The following CTTNBP2 variants were observed in gnomAD, a reference collection of about 807,000 sequenced individuals.
The protein encoded by CTTNBP2 is cortactin binding protein 2.
A neutral mutation model predicts 156.9 loss-of-function variants in CTTNBP2; 108 were observed. The observed-to-expected ratio is 0.69, with a 90% CI of 0.59 to 0.81. The LOEUF is 0.81. CTTNBP2 is among the 30% of genes least tolerant of loss of function. CTTNBP2 has a pLI of 0.00. For synonymous variants in CTTNBP2, 767 were observed against 751.8 expected (o/e 1.02, Z -0.33); for missense variants, 1,924 against 2,035.4 (o/e 0.95, Z 1.05).
At chr7:117,863,635 A>G (rs953231627) in intron 1 of CTTNBP2, among the ~76,000 whole-genome samples, 2 of 152,332 alleles carry the variant, frequency 1.3e-5, no homozygotes, top group African/African-American at 4.8e-5. Flanking sequence ...TCTGTAACTC[A>G]TGCCATCCTC....
At chr7:117,846,143 GC>G (rs1563063142) in intron 2 of CTTNBP2, among the ~76,000 whole-genome samples, 1 of 152,022 alleles carries the variant, frequency 6.6e-6, no homozygotes, top group Non-Finnish European at 1.5e-5. Flanking sequence ...GAGCCACCGC[GC>G]CCGGTCCTGT....
rs1287755396 is a variant in CTTNBP2 at position 117,804,143 on chromosome 7, AGT to A, written c.414+6620_414+6621del. On this transcript the variant is annotated intron_variant, in intron 3 of 22. Transcript: ENST00000160373. ...ATACCTGGCTAATTTTTGTATTTTTAGTAGAGACGGAGTTTCACCACGTTGGC... is the reference window on the plus strand; with the variant it reads ...ATACCTGGCTAATTTTTGTATTTTTAAGAGACGGAGTTTCACCACGTTGGC... Among the ~76,000 whole-genome samples, 46 of 152,054 alleles carry A rather than the reference AGT, an allele frequency of 3.0e-4. 1 individual carries two copies. Among genetic ancestry groups the A allele is most frequent in the Admixed American group, 2.0e-4 (3 of 15,266 alleles).
chr7:117,796,112 C>A (rs1184892219), intron 3 of CTTNBP2, among the ~76,000 whole-genome samples: 1 of 152,168 alleles, frequency 6.6e-6, no homozygotes, highest in Non-Finnish European at 1.5e-5. Flanking sequence ...TTTTTCATAG[C>A]AACACCAATC....
rs1798172309 is a variant in CTTNBP2, at chr7:117,777,551, C to T, written c.2738G>A (p.Gly913Asp). Residue 913 changes from glycine to aspartate, a missense_variant, in exon 8 of 23, where the codon GGC becomes GAC. Coordinates refer to ENST00000160373, the MANE Select transcript of CTTNBP2 (RefSeq NM_033427.3). ...ADLINHANREGWTAAHIAASK... is the reference protein window; with the variant it reads ...ADLINHANREDWTAAHIAASK... Reference sequence around the variant, plus strand: ...AGCAGCAATGTGGGCAGCAGTCCAGCCTTCTCTGTTGGCGTGGTTAATGAG... The same window carrying T: ...AGCAGCAATGTGGGCAGCAGTCCAGTCTTCTCTGTTGGCGTGGTTAATGAG... The T allele has an allele frequency of 6.2e-7, 1 of 1,613,694 alleles. No individual in the cohort carries two copies. The highest frequency in any genetic ancestry group is 8.5e-7 in the Non-Finnish European group (1 of 1,179,896).
rs1230654994 is a variant in CTTNBP2, at chr7:117,873,342, T to TCCGCCGCGGCCC, written c.62_73dup (p.Gly21_Ala24dup). On this transcript the variant is annotated inframe_insertion, in exon 1 of 23. Transcript: ENST00000160373. Reference sequence around the variant, plus strand: ...CCCCGGGAACTCGGTTACCGCCGCCTCCGCCGCGGCCCCCGCCGCGTCCTC... The same window carrying TCCGCCGCGGCCC: ...CCCCGGGAACTCGGTTACCGCCGCCTCCGCCGCGGCCCCCGCCGCGGCCCCCGCCGCGTCCTC... The TCCGCCGCGGCCC allele has an allele frequency of 1.2e-5, 17 of 1,446,846 alleles. No homozygotes were observed. The highest frequency in any genetic ancestry group is 3.1e-5 in the East Asian group (1 of 32,764). 89.6% of individuals were successfully genotyped at this position (1,446,846 alleles called of 1,614,324 possible).
intron 10 of CTTNBP2, among the ~76,000 whole-genome samples, chr7:117,759,738 A>C (rs1361005917): frequency 6.6e-6 from 1 of 152,218 alleles, no homozygotes; most frequent in African/African-American, 2.4e-5. Flanking sequence ...AGTTATCTGT[A>C]AAATGACACC....
intron 14 of CTTNBP2, among the ~76,000 whole-genome samples, chr7:117,738,637 T>C (rs1224062132): frequency 6.6e-6 from 1 of 152,162 alleles, no homozygotes; most frequent in Non-Finnish European, 1.5e-5. Flanking sequence ...GAGCAGTTAA[T>C]GGAGGCAGAG....
Position 117,819,367 on chromosome 7 carries a change from TCACACACACACA to T in CTTNBP2, c.190-8390_190-8379del, listed in dbSNP as rs71529472. ...TTTCTCTTTTCTCCTTCTCTCTCTC[TCACACACACACA>T]CACACACACACACACACACACACAC... On this transcript the variant is annotated intron_variant, in intron 2 of 22. Transcript: ENST00000160373. 1.8e-3 allele frequency among the ~76,000 whole-genome samples: 231 copies of T among 130,706 alleles called. 3 individuals are homozygous for T. The highest frequency in any genetic ancestry group is 4.6e-3 in the African/African-American group (173 of 37,426). 85.7% of individuals were successfully genotyped at this position (130,706 alleles called of 152,430 possible).
chr7:117,846,634 T>A (rs1316162803), intron 2 of CTTNBP2, among the ~76,000 whole-genome samples: 3 of 152,126 alleles, frequency 2.0e-5, no homozygotes, highest in African/African-American at 7.2e-5. Flanking sequence ...AAGAAAAGGA[T>A]TAATGAAGAA....
chr7:117,799,092 T>C (rs1257315718), intron 3 of CTTNBP2, among the ~76,000 whole-genome samples: 1 of 151,546 alleles, frequency 6.6e-6, no homozygotes, highest in Non-Finnish European at 1.5e-5. Context: ...ACTGATGTTC[T>C]AGAAAACATT....
At chr7:117,764,975 A>AC (rs1797404803) in intron 9 of CTTNBP2, among the ~76,000 whole-genome samples, 1 of 152,148 alleles carries the variant, frequency 6.6e-6, no homozygotes, top group Non-Finnish European at 1.5e-5. Context: ...TCACTCTGTC[A>AC]CCCAGGCTGG....
intron 6 of CTTNBP2, among the ~76,000 whole-genome samples, chr7:117,781,981 G>A (rs775406086): frequency 1.1e-4 from 17 of 152,022 alleles, no homozygotes; most frequent in Non-Finnish European, 2.4e-4. Flanking sequence ...AGGGTAATGA[G>A]GTATGTGGTA....
intron 9 of CTTNBP2, among the ~76,000 whole-genome samples, chr7:117,763,555 C>CTTTTTTTTTT (rs767309488): frequency 8.7e-5 from 9 of 103,452 alleles, no homozygotes; most frequent in Admixed American, 2.1e-4. Context: ...TCTTCTTCTT[C>CTTTTTTTTTT]TTTTTTTTTT....
At chr7:117,734,535 A>G (rs1278068230) in intron 16 of CTTNBP2, among the ~76,000 whole-genome samples, 1 of 152,234 alleles carries the variant, frequency 6.6e-6, no homozygotes, top group Non-Finnish European at 1.5e-5. Context: ...CTTAATATCT[A>G]CCATAGCATA....
chr7:117,771,027 C>T (rs772995769), intron 8 of CTTNBP2, among the ~76,000 whole-genome samples: 4 of 152,244 alleles, frequency 2.6e-5, no homozygotes, highest in African/African-American at 4.8e-5. Flanking sequence ...TTCCACTTGC[C>T]GGAACTCAAG....
At chr7:117,780,178 A>G (rs76788357) in intron 7 of CTTNBP2, among the ~76,000 whole-genome samples, 12 of 152,324 alleles carry the variant, frequency 7.9e-5, no homozygotes, top group African/African-American at 2.6e-4. Flanking sequence ...CCTAGTTCTA[A>G]AAATAATCAA....
chr7:117,795,737 A>G (rs187850957), intron 3 of CTTNBP2, among the ~76,000 whole-genome samples: 10 of 152,356 alleles, frequency 6.6e-5, no homozygotes, highest in African/African-American at 2.2e-4. Flanking sequence ...CTATTATAAA[A>G]GCATCTGTAA....
intron 1 of CTTNBP2, among the ~76,000 whole-genome samples, chr7:117,866,385 C>A (rs551545832): frequency 2.0e-5 from 3 of 152,160 alleles, no homozygotes; most frequent in African/African-American, 7.2e-5. Flanking sequence ...GGCAGAGACA[C>A]CCCTCAGATC....
intron 14 of CTTNBP2, among the ~76,000 whole-genome samples, chr7:117,739,245 C>T (rs1795865834): frequency 6.6e-6 from 1 of 152,104 alleles, no homozygotes; most frequent in South Asian, 2.1e-4. Context: ...ATTAACCAGC[C>T]ACAGAAGCAG....
Sources: gnomAD v4.1 joint callset for allele counts (sites outside exome capture counted in the v4.1 genomes callset) on GRCh38, gnomAD v4.1.1 for gene constraint, MANE v1.5 for transcripts, NCBI Gene and HGNC (gene_info 2026-07-23, HGNC 2026-07-21) for gene names.